The following IGF1R variants were observed in gnomAD, a reference collection of about 807,000 sequenced individuals.
IGF1R encodes the protein insulin-like growth factor 1 receptor.
A neutral mutation model predicts 144.6 loss-of-function variants in IGF1R; 44 were observed. The observed-to-expected ratio is 0.30, with a 90% CI of 0.24 to 0.39. The LOEUF is 0.39. Ranked by LOEUF, IGF1R falls within the 10% of genes least tolerant of loss-of-function variation. The pLI is 1.00. For missense variants in IGF1R, 1,355 were observed against 1,833.7 expected, an observed-to-expected ratio of 0.74 and a Z score of 4.77; for synonymous variants, 795 against 722.8, an observed-to-expected ratio of 1.10 and a Z score of -1.60.
At chr15:98,902,790 A>G (rs2014551531) in intron 5 of IGF1R, among the ~76,000 whole-genome samples, 1 of 152,196 alleles carries the variant, frequency 6.6e-6, no homozygotes, top group Non-Finnish European at 1.5e-5. Context: ...TCTGTTCTGT[A>G]GCCTTTTGTT....
intron 17 of IGF1R, among the ~76,000 whole-genome samples, chr15:98,937,585 A>G (rs1426832876): frequency 6.6e-6 from 1 of 152,184 alleles, no homozygotes; most frequent in African/African-American, 2.4e-5. Context: ...ATTATATTCA[A>G]CCTGCTCCCC....
chr15:98,665,013 G>A (rs951026449), intron 1 of IGF1R, among the ~76,000 whole-genome samples: 1 of 145,648 alleles, frequency 6.9e-6, no homozygotes, highest in Non-Finnish European at 1.5e-5. Context: ...GCTGGAGTGT[G>A]GTGGCGCAAT....
In IGF1R at chr15:98,779,844, A is replaced by T. The variant is rs184461232; in HGVS notation, c.640+71737A>T. 3.9e-4 allele frequency among the ~76,000 whole-genome samples: 59 copies of T among 152,280 alleles called. No homozygotes were observed. The East Asian group carries it at 7.9e-3, about 20-fold the overall frequency. ...GCCTGTTGGCACAGGGGTGAAGATG[A>T]CAGAGGCGAACCCAAGCAAAGAGAG... is the stretch of plus-strand genomic sequence containing the variant. On this transcript the variant is annotated intron_variant, in intron 2 of 20. Transcript: ENST00000650285.
chr15:98,717,990 C>T (rs2054161224), intron 2 of IGF1R, among the ~76,000 whole-genome samples: 1 of 152,106 alleles, frequency 6.6e-6, no homozygotes. Flanking sequence ...TGTGTATGTG[C>T]GTACCACTTT....
In IGF1R at chr15:98,648,626, A is replaced by G. The variant is rs1328387658; in HGVS notation, c.-956A>G. Reference sequence around the variant, plus strand: ...CCGCTGAGCGGAAAAAAAAAGGGAAAAAACCCGAGGAGGAGCGAGCGCACC... The same window carrying G: ...CCGCTGAGCGGAAAAAAAAAGGGAAGAAACCCGAGGAGGAGCGAGCGCACC... On this transcript the variant is annotated 5_prime_UTR_variant, in exon 1 of 21. Coordinates refer to ENST00000650285, the MANE Select transcript of IGF1R (RefSeq NM_000875.5). 6.9e-6 allele frequency among the ~76,000 whole-genome samples: 1 copy of G among 145,500 alleles called. No homozygotes were observed. Among genetic ancestry groups the G allele is most frequent in the Non-Finnish European group, 1.5e-5 (1 of 65,796 alleles).
rs2017053180 is a variant in IGF1R at position 98,957,504 on chromosome 15, GA to G, written c.*63del. ...GCGCACGCGCAGCGGGGTGGGGGGG[GA>G]GAGAGAGTTTTAACAATCCATTCAC... On this transcript the variant is annotated 3_prime_UTR_variant, in exon 21 of 21. Coordinates refer to ENST00000650285, the MANE Select transcript of IGF1R (RefSeq NM_000875.5). 3.1e-6 allele frequency: 5 copies of G among 1,596,420 alleles called. No individual in the cohort carries two copies. Among genetic ancestry groups the G allele is most frequent in the East Asian group, 2.2e-5 (1 of 44,768 alleles).
intron 2 of IGF1R, among the ~76,000 whole-genome samples, chr15:98,714,552 G>A (rs373724543): frequency 6.6e-6 from 1 of 152,064 alleles, no homozygotes; most frequent in African/African-American, 2.4e-5. Flanking sequence ...AGGCTGAGAT[G>A]GGAGGATCCG....
chr15:98,775,157 G>T (rs2055680317), intron 2 of IGF1R, among the ~76,000 whole-genome samples: 1 of 152,202 alleles, frequency 6.6e-6, no homozygotes, highest in Non-Finnish European at 1.5e-5. Context: ...GGAGCACTCA[G>T]AAATGGATGA....
At chr15:98,675,830 T>C (rs113575808) in intron 1 of IGF1R, among the ~76,000 whole-genome samples, 45 of 137,718 alleles carry the variant, frequency 3.3e-4, no homozygotes, top group South Asian at 9.4e-4. Flanking sequence ...TTCTTTCTTT[T>C]TTTTTTTTTT....
Position 98,666,573 on chromosome 15 carries a change from T to G in IGF1R, c.94+16898T>G, listed in dbSNP as rs185584415. Among the ~76,000 whole-genome samples, 151 of 152,332 alleles carry G rather than the reference T, an allele frequency of 9.9e-4. 2 individuals are homozygous for G. Among genetic ancestry groups the G allele is most frequent in the Non-Finnish European group, 1.4e-3 (98 of 68,044 alleles). ...AGCCTTAAAAAGGAAGGAAATTCTA[T>G]GATGTGCTACAATGTCTGTGAACCT... On this transcript the variant is annotated intron_variant, in intron 1 of 20. Coordinates refer to ENST00000650285, the MANE Select transcript of IGF1R (RefSeq NM_000875.5).
At chr15:98,917,950 G>A (rs2015321914) in intron 10 of IGF1R, among the ~76,000 whole-genome samples, 1 of 152,172 alleles carries the variant, frequency 6.6e-6, no homozygotes, top group African/African-American at 2.4e-5. Context: ...TGCAATTAAT[G>A]CCACTGAATT....
chr15:98,904,945 C>T (rs2014661776), intron 5 of IGF1R, among the ~76,000 whole-genome samples: 2 of 152,180 alleles, frequency 1.3e-5, no homozygotes, highest in Non-Finnish European at 2.9e-5. Flanking sequence ...CTCACGGTAT[C>T]CTTTTATGTT....
intron 5 of IGF1R, among the ~76,000 whole-genome samples, chr15:98,905,485 A>G (rs573245403): frequency 9.3e-5 from 14 of 151,268 alleles, no homozygotes; most frequent in African/African-American, 3.4e-4. Flanking sequence ...GTGAGATACC[A>G]GCTGTTAAAA....
intron 2 of IGF1R, among the ~76,000 whole-genome samples, chr15:98,878,141 T>C (rs1374537576): frequency 6.6e-6 from 1 of 152,248 alleles, no homozygotes. Flanking sequence ...AGAAGTGGGC[T>C]CTAACACTAG....
At position 98,878,143 on chromosome 15, in the gene IGF1R, T is replaced by G. The variant is rs368499809; in HGVS notation, c.641-13182T>G. Among the ~76,000 whole-genome samples the G allele has an allele frequency of 1.7e-3, 255 of 152,368 alleles. 1 individual carries two copies. The highest frequency in any genetic ancestry group is 6.0e-3 in the African/African-American group (249 of 41,586). ...CATGTAATTGCCCAGAAGTGGGCTC[T>G]AACACTAGTTTTAGGAGATGCAGCC... On this transcript the variant is annotated intron_variant, in intron 2 of 20. Transcript: ENST00000650285.
chr15:98,832,438 T>C (rs1429983633), intron 2 of IGF1R, among the ~76,000 whole-genome samples: 1 of 152,168 alleles, frequency 6.6e-6, no homozygotes, highest in Admixed American at 6.5e-5. Context: ...TTTGTAAAAG[T>C]TTACATTATT....
intron 2 of IGF1R, among the ~76,000 whole-genome samples, chr15:98,806,209 G>C (rs921372718): frequency 6.6e-6 from 1 of 152,182 alleles, no homozygotes; most frequent in Admixed American, 6.5e-5. Flanking sequence ...TCTATGTCCA[G>C]AGTGGACAGG....
At chr15:98,672,937 G>A (rs2052935508) in intron 1 of IGF1R, among the ~76,000 whole-genome samples, 1 of 152,182 alleles carries the variant, frequency 6.6e-6, no homozygotes, top group Non-Finnish European at 1.5e-5. Flanking sequence ...AGCTCAGTAA[G>A]TCTTCTTTGG....
chr15:98,929,619 G>C lies in IGF1R; in HGVS notation c.2844G>C (p.Val948=), dbSNP rs371959191. 24 of 1,613,996 alleles carry C rather than the reference G, an allele frequency of 1.5e-5. No individual in the cohort carries two copies. Among genetic ancestry groups the C allele is most frequent in the Non-Finnish European group, 2.0e-5 (24 of 1,179,986 alleles). ...TGCCCGTCGCTGTCCTGTTGATCGT[G>C]GGAGGGTTGGTGATTATGCTGTACG... ...IALPVAVLLI[V]GGLVIMLYVF... is the part of the protein sequence containing the mutation. The change falls in exon 14 of 21, where the codon GTG becomes GTC. Residue 948 remains valine (V), a synonymous_variant. Coordinates refer to ENST00000650285, the MANE Select transcript of IGF1R (RefSeq NM_000875.5).
Sources: gnomAD v4.1 joint callset for allele counts (sites outside exome capture counted in the v4.1 genomes callset) on GRCh38, gnomAD v4.1.1 for gene constraint, MANE v1.5 for transcripts, NCBI Gene and HGNC (gene_info 2026-07-23, HGNC 2026-07-21) for gene names.